Variants in SLC25A15 observed in about 807,000 individuals in gnomAD.
SLC25A15 encodes solute carrier family 25 member 15, also known as mitochondrial ornithine transporter 1.
SLC25A15 carries 24 observed loss-of-function variants against 32.3 expected under a neutral mutation model. That is an observed-to-expected ratio of 0.74 (90% CI 0.54 to 1.04). SLC25A15 has a LOEUF of 1.04. SLC25A15 is among the 50% of genes least tolerant of loss of function. SLC25A15 has a pLI of 0.00. For synonymous variants in SLC25A15, 132 were observed against 142.1 expected (o/e 0.93, Z 0.51); for missense variants, 317 against 374.5 (o/e 0.85, Z 1.27).
intron 2 of SLC25A15, among the ~76,000 whole-genome samples, chr13:40,795,666 C>T (rs984362258): frequency 1.3e-5 from 2 of 151,736 alleles, no homozygotes; most frequent in African/African-American, 2.4e-5. Context: ...GGAGGGGGAG[C>T]GAGACATGGT....
rs1195747642 is a variant in SLC25A15, at chr13:40,809,840, C to G, written c.*173C>G. ...TTATGGAAGAACCTCTATTTTGCAT[C>G]ATATCATTTCTGTCCATAATTGTAC... On this transcript the variant is annotated 3_prime_UTR_variant, in exon 7 of 7. Coordinates refer to ENST00000338625, the MANE Select transcript of SLC25A15 (RefSeq NM_014252.4). 2 of 654,490 alleles carry G rather than the reference C, an allele frequency of 3.1e-6. No individual in the cohort carries two copies. Among genetic ancestry groups the G allele is most frequent in the African/African-American group, 1.8e-5 (1 of 55,054 alleles). The allele number at this position is 654,490 out of a possible 1,614,324, so 40.5% of individuals were successfully genotyped here. A position where few individuals can be genotyped will look rare whatever the true frequency, so the allele number is the denominator to read the frequency against.
At chr13:40,808,889 T>C (rs1481213346) in intron 6 of SLC25A15, among the ~76,000 whole-genome samples, 8 of 136,804 alleles carry the variant, frequency 5.8e-5, no homozygotes, top group Admixed American at 3.4e-4. Context: ...GAGCTGAGAT[T>C]GCACCACTGC....
intron 2 of SLC25A15, chr13:40,798,769 C>A: frequency 1.0e-6 from 1 of 985,398 alleles, no homozygotes; most frequent in African/African-American, 1.7e-5. Context: ...TCCCTCTGAC[C>A]CTATTGCCCA....
At chr13:40,808,393 C>T (rs751601155) in intron 5 of SLC25A15, 45 bp from the exon 6 acceptor site, 1 of 1,557,826 alleles carries the variant, frequency 6.4e-7, no homozygotes, top group Non-Finnish European at 8.8e-7. Context: ...GTCACATCAG[C>T]TGTTCTTGAG....
rs913993883 is a variant in SLC25A15, at chr13:40,805,785, C to G, written c.452+530C>G. ...GAACATTAATCAATACTTTTATAAGCATAGCTACTCTTCAGTGATTAAATC... is the reference window on the plus strand; with the variant it reads ...GAACATTAATCAATACTTTTATAAGGATAGCTACTCTTCAGTGATTAAATC... On this transcript the variant is annotated intron_variant, in intron 4 of 6. Coordinates refer to ENST00000338625, the MANE Select transcript of SLC25A15 (RefSeq NM_014252.4). Among the ~76,000 whole-genome samples the G allele has an allele frequency of 2.0e-5, 3 of 152,358 alleles. No homozygotes were observed. In the South Asian group the frequency reaches 6.2e-4, roughly 32 times the overall value.
Position 40,793,285 on chromosome 13 carries a change from C to T in SLC25A15, c.55+4C>T. 1.2e-6 allele frequency: 2 copies of T among 1,612,634 alleles called. No individual in the cohort carries two copies. Among genetic ancestry groups the T allele is most frequent in the Non-Finnish European group, 1.7e-6 (2 of 1,179,126 alleles). On this transcript the variant is annotated splice_donor_region_variant and intron_variant, in intron 2 of 6. Coordinates refer to ENST00000338625, the MANE Select transcript of SLC25A15 (RefSeq NM_014252.4). ...GACCTCACAGCGGGGGCTGCAGGTA[C>T]AGTCATGTGCCTCATCACCATGTTT...
rs1881784354 is a variant in SLC25A15 at position 40,799,207 on chromosome 13, C to T, written c.206C>T (p.Pro69Leu). The change falls in exon 3 of 7, where the codon CCA (proline) becomes CTA (leucine). Residue 69 changes from proline (P) to leucine (L), a missense_variant. Coordinates refer to ENST00000338625, the MANE Select transcript of SLC25A15 (RefSeq NM_014252.4). The stretch of plus-strand genomic sequence containing the variant: ...CGTGGCTTCTACAAGGGTACCAGTC[C>T]AGCACTAATCGCCAACATCGCTGAG... The part of the protein sequence containing the change: ...GFRGFYKGTS[P>L]ALIANIAENS... The T allele has an allele frequency of 6.2e-7, 1 of 1,614,228 alleles. No individual in the cohort carries two copies. The highest frequency in any genetic ancestry group is 1.1e-5 in the South Asian group (1 of 91,090).
intron 1 of SLC25A15, among the ~76,000 whole-genome samples, chr13:40,790,130 C>T (rs770308913): frequency 2.0e-5 from 3 of 152,184 alleles, no homozygotes; most frequent in Non-Finnish European, 4.4e-5. Context: ...ATTTGCATCT[C>T]CACGCTTTAC....
chr13:40,794,396 T>G (rs1881608358), intron 2 of SLC25A15, among the ~76,000 whole-genome samples: 1 of 151,742 alleles, frequency 6.6e-6, no homozygotes, highest in African/African-American at 2.4e-5. Flanking sequence ...GGACTGTGTC[T>G]TAGAGCCGTG....
At chr13:40,804,887 T>A (rs2138053685) in intron 3 of SLC25A15, among the ~76,000 whole-genome samples, 1 of 152,170 alleles carries the variant, frequency 6.6e-6, no homozygotes, top group Middle Eastern at 3.4e-3. Context: ...TCTCTCTTTG[T>A]TTCCCAAGCT....
chr13:40,793,922 T>A (rs1213232407), intron 2 of SLC25A15, among the ~76,000 whole-genome samples: 1 of 152,232 alleles, frequency 6.6e-6, no homozygotes, highest in East Asian at 1.9e-4. Flanking sequence ...GTGATGTGGT[T>A]CTTCACTTCA....
rs1313850145 is a variant in SLC25A15 at position 40,808,528 on chromosome 13, A to G, written c.713A>G (p.Gln238Arg). ...YPVDCIKSRI[Q>R]VLSMSGKQAG... The stretch of plus-strand genomic sequence containing the variant: ...GTGGATTGTATCAAATCCAGAATTC[A>G]AGTTCTTTCCATGTCTGGAAAACAG... Residue 238 changes from glutamine to arginine, a missense_variant, in exon 6 of 7, where the codon CAA becomes CGA. By Grantham distance (43) the Gln-to-Arg change is conservative. Coordinates refer to ENST00000338625, the MANE Select transcript of SLC25A15 (RefSeq NM_014252.4). 6.2e-7 allele frequency: 1 copy of G among 1,612,750 alleles called. No homozygotes were observed. Among genetic ancestry groups the G allele is most frequent in the Non-Finnish European group, 8.5e-7 (1 of 1,179,966 alleles).
intron 5 of SLC25A15, among the ~76,000 whole-genome samples, chr13:40,807,745 G>A (rs1321564216): frequency 6.6e-6 from 1 of 152,170 alleles, no homozygotes; most frequent in East Asian, 1.9e-4. Flanking sequence ...TTTTAGGGGA[G>A]AAGAAATCCA....
At chr13:40,791,191 A>G (rs947166872) in intron 1 of SLC25A15, among the ~76,000 whole-genome samples, 7 of 151,920 alleles carry the variant, frequency 4.6e-5, no homozygotes, top group Admixed American at 2.0e-4. Flanking sequence ...AAAAGACAGG[A>G]CTTTGAACTG....
In SLC25A15 at chr13:40,812,066, T is replaced by G. The variant is rs1882478953; in HGVS notation, c.*2399T>G. Among the ~76,000 whole-genome samples, 1 of 152,182 alleles carries G rather than the reference T, an allele frequency of 6.6e-6. No homozygotes were observed. Among genetic ancestry groups the G allele is most frequent in the Non-Finnish European group, 1.5e-5 (1 of 68,034 alleles). ...TGCTTTTCTCTCCATACTTAAATGG[T>G]CAGTAGCTACTGAGTGGTGCTTTAT... is the stretch of plus-strand genomic sequence containing the variant. On this transcript the variant is annotated 3_prime_UTR_variant, in exon 7 of 7. Coordinates refer to ENST00000338625, the MANE Select transcript of SLC25A15 (RefSeq NM_014252.4).
chr13:40,808,040 T>C (rs967417388), intron 5 of SLC25A15, among the ~76,000 whole-genome samples: 1 of 152,186 alleles, frequency 6.6e-6, no homozygotes, highest in Non-Finnish European at 1.5e-5. Flanking sequence ...AAATGAAGAA[T>C]CAGGGCTATT....
rs564527108 is a variant in SLC25A15, at chr13:40,790,676, C to T, written c.-70+1013C>T. 3.9e-5 allele frequency among the ~76,000 whole-genome samples: 6 copies of T among 152,332 alleles called. No homozygotes were observed. In the South Asian group the frequency reaches 8.3e-4, roughly 21 times the overall value. ...GATCTCGGCTCACCGCAACCTCCGC[C>T]TCCTGGGTTCAAGCTATTCTCCTCC... On this transcript the variant is annotated intron_variant, in intron 1 of 6. Coordinates refer to ENST00000338625, the MANE Select transcript of SLC25A15 (RefSeq NM_014252.4).
Position 40,793,188 on chromosome 13 carries a change from G to C in SLC25A15, c.-39G>C. On this transcript the variant is annotated 5_prime_UTR_variant, in exon 2 of 7. Transcript: ENST00000338625. ...TGTGGTGCCTGTCATAAGCTCCAGA[G>C]AGCTGCCTTCCACAAGACCAGCAGA... 6.2e-7 allele frequency: 1 copy of C among 1,612,266 alleles called. No individual in the cohort carries two copies. The highest frequency in any genetic ancestry group is 8.5e-7 in the Non-Finnish European group (1 of 1,178,532).
intron 1 of SLC25A15, among the ~76,000 whole-genome samples, chr13:40,791,216 G>GA (rs1207389280): frequency 1.3e-5 from 2 of 151,992 alleles, no homozygotes; most frequent in Non-Finnish European, 2.9e-5. Flanking sequence ...CTCTGTCACT[G>GA]ACAGTTGTGT....
Sources: allele counts gnomAD v4.1 joint callset (sites outside exome capture counted in the v4.1 genomes callset), GRCh38; gene constraint gnomAD v4.1.1; transcripts MANE v1.5; gene names NCBI Gene and HGNC (gene_info 2026-07-23, HGNC 2026-07-21).